Variants in NEXMIF observed in about 807,000 individuals in gnomAD.
NEXMIF encodes XLMR protein related to neurite extension.
Under a neutral mutation model 62.1 loss-of-function variants are expected in NEXMIF, and 8 were observed. The observed-to-expected ratio is 0.13, with a 90% CI of 0.08 to 0.23. NEXMIF has a LOEUF of 0.23. NEXMIF is among the 10% of genes least tolerant of loss of function. NEXMIF has a pLI of 1.00. For missense variants in NEXMIF, 976 were observed against 1,113.3 expected (o/e 0.88, Z 1.75); for synonymous variants, 404 against 416.6 (o/e 0.97, Z 0.37).
chrX:74,778,804 C>T lies in NEXMIF; in HGVS notation c.-47-33107G>A, dbSNP rs752555034. On this transcript the variant is annotated intron_variant, in intron 1 of 3. Transcript: ENST00000055682. Reference sequence around the variant, plus strand: ...TAGCTGGGATTACAGGTGCATGCCACCACATCCAGCTGGGGTTTCACCATG... The same window carrying T: ...TAGCTGGGATTACAGGTGCATGCCATCACATCCAGCTGGGGTTTCACCATG... Among the ~76,000 whole-genome samples, 73 of 111,936 alleles carry T rather than the reference C, an allele frequency of 6.5e-4. 1 individual carries two copies. Among genetic ancestry groups the T allele is most frequent in the Non-Finnish European group, 1.0e-3 (54 of 53,190 alleles).
chrX:74,831,290 C>G (rs1417045893), intron 1 of NEXMIF, among the ~76,000 whole-genome samples: 15 of 108,904 alleles, frequency 1.4e-4, no homozygotes, highest in Non-Finnish European at 2.9e-4. Context: ...TGTGCTGTAC[C>G]CATTAACTCG....
chrX:74,767,697 C>A (rs140813768), intron 1 of NEXMIF, among the ~76,000 whole-genome samples: 2,891 of 111,631 alleles, frequency 0.026, 49 homozygotes, highest in South Asian at 0.13. Context: ...GGAGGTCCCA[C>A]CCAGTGAGGA....
In NEXMIF at chrX:74,773,925, A is replaced by T. The variant is rs965478469; in HGVS notation, c.-47-28228T>A. 2.9e-3 allele frequency among the ~76,000 whole-genome samples: 307 copies of T among 106,834 alleles called. 2 individuals carry two copies. Among genetic ancestry groups the T allele is most frequent in the African/African-American group, 9.9e-3 (292 of 29,464 alleles). The allele number at this position is 106,834 out of a possible 115,157, so 92.8% of individuals were successfully genotyped here. A position where few individuals can be genotyped will look rare whatever the true frequency, so the allele number is the denominator to read the frequency against. ...CTCCGTCTCAAAAAAAAAAAAAAAA[A>T]AAAAAAAAAAATAAGAAAACGAGAG... On this transcript the variant is annotated intron_variant, in intron 1 of 3. Coordinates refer to ENST00000055682, the MANE Select transcript of NEXMIF (RefSeq NM_001008537.3).
intron 1 of NEXMIF, among the ~76,000 whole-genome samples, chrX:74,835,612 C>T (rs185343302): frequency 9.0e-6 from 1 of 111,277 alleles, no homozygotes; most frequent in African/African-American, 3.3e-5. Flanking sequence ...CCTACTTTCT[C>T]ACAAACAGTC....
intron 1 of NEXMIF, among the ~76,000 whole-genome samples, chrX:74,792,159 A>G (rs1438817494): frequency 8.1e-5 from 9 of 110,494 alleles, no homozygotes; most frequent in African/African-American, 3.0e-4. Context: ...CGTCCCAGAG[A>G]TTCTGGTATG....
At chrX:74,764,188 AT>A (rs1308562621) in intron 1 of NEXMIF, among the ~76,000 whole-genome samples, 1 of 111,659 alleles carries the variant, frequency 9.0e-6, no homozygotes, top group Non-Finnish European at 1.9e-5. Flanking sequence ...AGGCTGTTGA[AT>A]TTTGTCAAAG....
intron 1 of NEXMIF, among the ~76,000 whole-genome samples, chrX:74,909,531 C>T (rs1415365370): frequency 1.8e-5 from 2 of 111,767 alleles, no homozygotes; most frequent in South Asian, 3.8e-4. Flanking sequence ...AGAGCATAAA[C>T]GTTCAGATAA....
intron 1 of NEXMIF, among the ~76,000 whole-genome samples, chrX:74,774,118 C>T (rs1325089795): frequency 9.1e-6 from 1 of 109,885 alleles, no homozygotes; most frequent in Non-Finnish European, 1.9e-5. Context: ...TTTTCCAATG[C>T]TACTTCTAAC....
chrX:74,873,201 T>G (rs984544880), intron 1 of NEXMIF, among the ~76,000 whole-genome samples: 4 of 110,031 alleles, frequency 3.6e-5, no homozygotes, highest in Non-Finnish European at 5.7e-5. Context: ...CCATGTGTTC[T>G]CATTGTTCAA....
At chrX:74,771,303 C>A (rs1399634470) in intron 1 of NEXMIF, among the ~76,000 whole-genome samples, 1 of 110,736 alleles carries the variant, frequency 9.0e-6, no homozygotes, top group Non-Finnish European at 1.9e-5. Flanking sequence ...ATGGCTCCAG[C>A]ATGAAGGTGG....
At chrX:74,870,082 C>A (rs1336361915) in intron 1 of NEXMIF, among the ~76,000 whole-genome samples, 3 of 111,240 alleles carry the variant, frequency 2.7e-5, no homozygotes, top group Non-Finnish European at 5.7e-5. Context: ...TACTACAGAG[C>A]TATAGTAACC....
intron 1 of NEXMIF, among the ~76,000 whole-genome samples, chrX:74,764,426 A>T (rs1387864863): frequency 1.8e-5 from 2 of 110,980 alleles, no homozygotes; most frequent in Non-Finnish European, 3.8e-5. Context: ...GGTCTAAAAT[A>T]CTCTTTTTTT....
At chrX:74,895,437 T>C (rs1478567748) in intron 1 of NEXMIF, among the ~76,000 whole-genome samples, 1 of 111,907 alleles carries the variant, frequency 8.9e-6, no homozygotes, top group Admixed American at 9.5e-5. Context: ...AATGACATTA[T>C]TCACAGAAAT....
At chrX:74,765,294 C>T (rs1170008334) in intron 1 of NEXMIF, among the ~76,000 whole-genome samples, 1 of 111,869 alleles carries the variant, frequency 8.9e-6, no homozygotes, top group Non-Finnish European at 1.9e-5. Flanking sequence ...TTTCCTTCAT[C>T]CCTTTGTTTT....
chrX:74,852,992 A>G (rs2080521522), intron 1 of NEXMIF, among the ~76,000 whole-genome samples: 1 of 111,135 alleles, frequency 9.0e-6, no homozygotes, highest in Admixed American at 9.6e-5. Flanking sequence ...TTTACAAAGC[A>G]TCAACAAAAT....
At chrX:74,825,607 T>G (rs1188027367) in intron 1 of NEXMIF, among the ~76,000 whole-genome samples, 3 of 112,416 alleles carry the variant, frequency 2.7e-5, no homozygotes. Context: ...CAGGCTGAAG[T>G]GCAAAGGCAT....
At chrX:74,911,837 G>T (rs2080791357) in intron 1 of NEXMIF, among the ~76,000 whole-genome samples, 2 of 112,122 alleles carry the variant, frequency 1.8e-5, no homozygotes, top group South Asian at 7.5e-4. Flanking sequence ...CTTGCTAAGG[G>T]AAAAGGTCAT....
intron 1 of NEXMIF, among the ~76,000 whole-genome samples, chrX:74,761,046 T>A (rs1171722128): frequency 9.1e-6 from 1 of 109,395 alleles, no homozygotes; most frequent in African/African-American, 3.3e-5. Context: ...TTTTTTTGTA[T>A]TTTTAGTAGA....
intron 1 of NEXMIF, among the ~76,000 whole-genome samples, chrX:74,806,196 T>C (rs752994762): frequency 9.0e-6 from 1 of 111,606 alleles, no homozygotes; most frequent in Admixed American, 9.6e-5. Context: ...TTTTCTTTCA[T>C]GGATCACGCC....
Sources: allele counts gnomAD v4.1 joint callset (sites outside exome capture counted in the v4.1 genomes callset), GRCh38; gene constraint gnomAD v4.1.1; transcripts MANE v1.5; gene names NCBI Gene and HGNC (gene_info 2026-07-23, HGNC 2026-07-21).